The following MCU variants were observed in gnomAD, a reference collection of about 807,000 sequenced individuals.
The protein encoded by MCU is calcium uniporter protein, mitochondrial.
MCU carries 12 observed loss-of-function variants against 45.2 expected under a neutral mutation model. That is an observed-to-expected ratio of 0.27 (90% CI 0.17 to 0.43). The LOEUF (loss-of-function observed/expected upper bound fraction) is 0.43, where lower values mean the gene tolerates loss of function less well. MCU is among the 20% of genes least tolerant of loss of function. The pLI is 1.00. For missense variants in MCU, 324 were observed against 436.7 expected, an observed-to-expected ratio of 0.74 and a Z score of 2.30; for synonymous variants, 160 against 165.1, an observed-to-expected ratio of 0.97 and a Z score of 0.24.
chr10:72,843,607 A>G (rs1402442863), intron 2 of MCU, among the ~76,000 whole-genome samples: 2 of 152,234 alleles, frequency 1.3e-5, no homozygotes, highest in Non-Finnish European at 2.9e-5. Context: ...TAAAGCTACT[A>G]CAAACATCTG....
At chr10:72,711,264 A>G (rs1446022215) in intron 1 of MCU, among the ~76,000 whole-genome samples, 2 of 140,430 alleles carry the variant, frequency 1.4e-5, no homozygotes, top group Non-Finnish European at 3.0e-5. Context: ...TTTGTCAACC[A>G]GGCTGGAGTG....
intron 1 of MCU, among the ~76,000 whole-genome samples, chr10:72,764,022 A>C (rs938373798): frequency 6.6e-6 from 1 of 152,186 alleles, no homozygotes; most frequent in African/African-American, 2.4e-5. Flanking sequence ...ATTTACCATC[A>C]GTAAATAAGC....
intron 1 of MCU, among the ~76,000 whole-genome samples, chr10:72,737,181 C>A (rs897127186): frequency 6.6e-6 from 1 of 152,196 alleles, no homozygotes; most frequent in Non-Finnish European, 1.5e-5. Flanking sequence ...ATTCTCCAGT[C>A]ATGAGTTTTC....
chr10:72,697,027 G>A (rs1842696157), intron 1 of MCU, among the ~76,000 whole-genome samples: 1 of 152,142 alleles, frequency 6.6e-6, no homozygotes, highest in South Asian at 2.1e-4. Flanking sequence ...ACAAGTATAT[G>A]TTTGAATCAG....
At chr10:72,732,960 A>G (rs1843195954) in intron 1 of MCU, among the ~76,000 whole-genome samples, 1 of 152,226 alleles carries the variant, frequency 6.6e-6, no homozygotes, top group Non-Finnish European at 1.5e-5. Context: ...ATCTTTCACT[A>G]AGAGCATTTA....
At chr10:72,849,115 C>T (rs528376061) in intron 2 of MCU, among the ~76,000 whole-genome samples, 121 of 151,816 alleles carry the variant, frequency 8.0e-4, no homozygotes, top group African/African-American at 2.6e-3. Flanking sequence ...CATGTCTCTA[C>T]TAAAAATACA....
At chr10:72,758,096 C>T (rs1174978041) in intron 1 of MCU, among the ~76,000 whole-genome samples, 1 of 152,176 alleles carries the variant, frequency 6.6e-6, no homozygotes, top group Non-Finnish European at 1.5e-5. Flanking sequence ...GGTGCCATAT[C>T]TGAGTTGATA....
At chr10:72,850,852 A>T (rs1193220036) in intron 2 of MCU, among the ~76,000 whole-genome samples, 1 of 152,242 alleles carries the variant, frequency 6.6e-6, no homozygotes, top group Non-Finnish European at 1.5e-5. Context: ...GCAAAAGATT[A>T]AAAAATTCAA....
intron 1 of MCU, among the ~76,000 whole-genome samples, chr10:72,771,229 G>A (rs1843803188): frequency 6.6e-6 from 1 of 151,994 alleles, no homozygotes; most frequent in South Asian, 2.1e-4. Context: ...GCCCCAATGT[G>A]TGATGTTCCC....
At chr10:72,852,369 G>A (rs1845220311) in intron 2 of MCU, among the ~76,000 whole-genome samples, 1 of 152,088 alleles carries the variant, frequency 6.6e-6, no homozygotes, top group African/African-American at 2.4e-5. Context: ...CTATTCCTTT[G>A]GAAGGAAAAA....
chr10:72,799,530 C>T (rs2132778382), intron 1 of MCU, among the ~76,000 whole-genome samples: 1 of 151,492 alleles, frequency 6.6e-6, no homozygotes, highest in South Asian at 2.1e-4. Context: ...CTATGTTGCT[C>T]AGGCTGTACT....
chr10:72,733,147 A>G (rs1848524050), intron 1 of MCU, among the ~76,000 whole-genome samples: 1 of 152,206 alleles, frequency 6.6e-6, no homozygotes, highest in Non-Finnish European at 1.5e-5. Context: ...GTCTTCATCT[A>G]TAAAATGGGA....
intron 1 of MCU, among the ~76,000 whole-genome samples, chr10:72,829,875 T>C (rs1035675679): frequency 6.6e-6 from 1 of 152,238 alleles, no homozygotes; most frequent in African/African-American, 2.4e-5. Flanking sequence ...CTTTAGTAGA[T>C]TCTAAGCTTC....
intron 2 of MCU, among the ~76,000 whole-genome samples, chr10:72,844,191 A>G (rs1383208842): frequency 6.6e-6 from 1 of 152,190 alleles, no homozygotes; most frequent in Non-Finnish European, 1.5e-5. Context: ...GTTCGAGACC[A>G]GCCTGGCCAA....
chr10:72,868,634 A>C, intron 4 of MCU, 69 bp from the exon 5 acceptor site: 1 of 1,440,552 alleles, frequency 6.9e-7, no homozygotes, highest in Non-Finnish European at 9.6e-7. Flanking sequence ...AATCTGCCTC[A>C]TCTGATAGTC....
At chr10:72,739,951 C>T (rs1843303519) in intron 1 of MCU, among the ~76,000 whole-genome samples, 1 of 151,554 alleles carries the variant, frequency 6.6e-6, no homozygotes, top group Non-Finnish European at 1.5e-5. Context: ...GCAGGGATTA[C>T]AGGTGTGAGC....
intron 1 of MCU, among the ~76,000 whole-genome samples, chr10:72,727,608 G>A (rs1260531195): frequency 1.3e-5 from 2 of 152,254 alleles, no homozygotes; most frequent in South Asian, 4.1e-4. Flanking sequence ...AACTCCTAGA[G>A]TACTGATACT....
intron 4 of MCU, chr10:72,861,677 A>C: frequency 3.6e-6 from 1 of 278,176 alleles, no homozygotes. Flanking sequence ...TTTTTTTTTT[A>C]GTAGAGATGG....
chr10:72,708,975 T>A (rs939048444), intron 1 of MCU, among the ~76,000 whole-genome samples: 1 of 151,950 alleles, frequency 6.6e-6, no homozygotes, highest in African/African-American at 2.4e-5. Flanking sequence ...ACCACTGTAC[T>A]CCAGCCTGGG....
Sources: gnomAD v4.1 joint callset for allele counts (sites outside exome capture counted in the v4.1 genomes callset) on GRCh38, gnomAD v4.1.1 for gene constraint, MANE v1.5 for transcripts, NCBI Gene and HGNC (gene_info 2026-07-23, HGNC 2026-07-21) for gene names.